EAF2: variants seen among roughly 807,000 people sequenced by gnomAD.
The protein encoded by EAF2 is ELL associated factor 2.
EAF2 carries 29 observed loss-of-function variants against 29.4 expected under a neutral mutation model. The observed-to-expected ratio is 0.99, with a 90% confidence interval of 0.73 to 1.35. EAF2 has a LOEUF of 1.35. Among genes scored for constraint, EAF2 ranks in the 40% most tolerant of loss-of-function variants. The probability of loss-of-function intolerance (pLI) is 0.00; values close to 1 mark genes in which losing one functional copy is unlikely to be tolerated. For synonymous variants in EAF2, 103 were observed against 102.5 expected (o/e 1.00, Z -0.03); for missense variants, 292 against 312.0 (o/e 0.94, Z 0.48).
At chr3:121,846,719 A>AT (rs11387474) in intron 2 of EAF2, among the ~76,000 whole-genome samples, 36,882 of 148,954 alleles carry the variant, frequency 0.25, 4,768 homozygotes, top group Non-Finnish European at 0.28. Flanking sequence ...CTTTAGTTGG[A>AT]TTTTTTTTTT....
intron 4 of EAF2, among the ~76,000 whole-genome samples, chr3:121,861,795 G>A (rs898100960): frequency 5.3e-5 from 8 of 152,150 alleles, no homozygotes; most frequent in African/African-American, 1.9e-4. Flanking sequence ...GCATGTTTTT[G>A]TAGTGGCTGG....
At chr3:121,882,121 G>T (rs1709199364) in intron 5 of EAF2, among the ~76,000 whole-genome samples, 1 of 152,090 alleles carries the variant, frequency 6.6e-6, no homozygotes, top group East Asian at 1.9e-4. Context: ...GGACGAGGCA[G>T]GTGGGTCACT....
At chr3:121,852,923 C>G (rs1247429506) in intron 2 of EAF2, among the ~76,000 whole-genome samples, 1 of 152,092 alleles carries the variant, frequency 6.6e-6, no homozygotes, top group Non-Finnish European at 1.5e-5. Context: ...AAAATTCCTT[C>G]AGGTTTGATG....
intron 4 of EAF2, 99 bp downstream of exon 4, chr3:121,857,255 A>C: frequency 2.0e-6 from 2 of 998,884 alleles, no homozygotes; most frequent in Non-Finnish European, 2.9e-6. Context: ...GCACTTTAGG[A>C]GGCCGAGGCA....
At chr3:121,861,707 G>A (rs1293825272) in intron 4 of EAF2, among the ~76,000 whole-genome samples, 4 of 152,148 alleles carry the variant, frequency 2.6e-5, no homozygotes, top group Non-Finnish European at 5.9e-5. Flanking sequence ...ATTTGATCCT[G>A]TCATTATGAT....
intron 4 of EAF2, among the ~76,000 whole-genome samples, chr3:121,863,145 G>A (rs1279810018): frequency 6.6e-6 from 1 of 152,168 alleles, no homozygotes; most frequent in Non-Finnish European, 1.5e-5. Context: ...CGGGGGTCAG[G>A]GACCCACTTG....
intron 2 of EAF2, among the ~76,000 whole-genome samples, chr3:121,852,943 C>T (rs1175675492): frequency 6.6e-6 from 1 of 152,074 alleles, no homozygotes; most frequent in African/African-American, 2.4e-5. Flanking sequence ...GGAGCAGGGA[C>T]AAAAGATAGG....
intron 4 of EAF2, among the ~76,000 whole-genome samples, chr3:121,871,874 A>T (rs561520889): frequency 6.6e-6 from 1 of 152,054 alleles, no homozygotes; most frequent in South Asian, 2.1e-4. Flanking sequence ...TCATTCCCTC[A>T]TTTATAAAAT....
Position 121,858,643 on chromosome 3 carries a change from T to G in EAF2, c.484+1487T>G, listed in dbSNP as rs541385123. ...TTGCCTGTTCACTCTGATGGTAGTTTCTTTTGCTGTGCAGAAGCTCTTTAG... is the reference window on the plus strand; with the variant it reads ...TTGCCTGTTCACTCTGATGGTAGTTGCTTTTGCTGTGCAGAAGCTCTTTAG... On this transcript the variant is annotated intron_variant, in intron 4 of 5. Coordinates refer to ENST00000273668, the MANE Select transcript of EAF2 (RefSeq NM_018456.6). Among the ~76,000 whole-genome samples the G allele has an allele frequency of 8.7e-4, 133 of 152,354 alleles. 1 individual carries two copies. The highest frequency in any genetic ancestry group is 3.4e-3 in the Middle Eastern group (1 of 294).
intron 1 of EAF2, among the ~76,000 whole-genome samples, chr3:121,842,596 A>G (rs1321209043): frequency 6.6e-6 from 1 of 152,186 alleles, no homozygotes; most frequent in African/African-American, 2.4e-5. Context: ...CAAAGTAAAA[A>G]TCATCAGGAA....
intron 1 of EAF2, 33 bp downstream of exon 1, chr3:121,835,424 G>C (rs1189519542): frequency 1.9e-6 from 3 of 1,593,350 alleles, no homozygotes; most frequent in Non-Finnish European, 2.6e-6. Context: ...TAGAGGGGGA[G>C]CCTCCCGGGA....
chr3:121,876,749 A>G (rs1291243317), intron 5 of EAF2, among the ~76,000 whole-genome samples: 2 of 151,978 alleles, frequency 1.3e-5, no homozygotes, highest in African/African-American at 4.8e-5. Flanking sequence ...AATACAATCT[A>G]TAGTTTCCAC....
At chr3:121,883,953 G>C (rs1218973239) in intron 5 of EAF2, among the ~76,000 whole-genome samples, 1 of 152,176 alleles carries the variant, frequency 6.6e-6, no homozygotes, top group Admixed American at 6.5e-5. Flanking sequence ...GTACGTTTGG[G>C]TTTGTGTCGC....
At chr3:121,840,515 A>AAAAAAAAAAAAAAAAAAAAAAC (rs1167466790) in intron 1 of EAF2, among the ~76,000 whole-genome samples, 3 of 97,892 alleles carry the variant, frequency 3.1e-5, no homozygotes, top group African/African-American at 8.0e-5. Context: ...AAAAGAAAAA[A>AAAAAAAAAAAAAAAAAAAAAAC]AAAAAACGGG....
chr3:121,873,380 A>G (rs762580237), intron 5 of EAF2, among the ~76,000 whole-genome samples: 3 of 151,858 alleles, frequency 2.0e-5, no homozygotes, highest in Non-Finnish European at 4.4e-5. Flanking sequence ...TTTACAGTGT[A>G]GCCACTCCTT....
chr3:121,842,384 A>G (rs1559816884), intron 1 of EAF2, among the ~76,000 whole-genome samples: 1 of 152,154 alleles, frequency 6.6e-6, no homozygotes, highest in Non-Finnish European at 1.5e-5. Context: ...CCCAAACTAA[A>G]GTTTTTTTCT....
chr3:121,843,699 T>G (rs1039397432), intron 1 of EAF2, among the ~76,000 whole-genome samples: 17 of 152,150 alleles, frequency 1.1e-4, no homozygotes, highest in Admixed American at 1.1e-3. Context: ...ATGTGAAATA[T>G]CTTAGTACCC....
intron 1 of EAF2, among the ~76,000 whole-genome samples, chr3:121,842,568 A>G (rs1262374676): frequency 1.3e-5 from 2 of 152,144 alleles, no homozygotes; most frequent in Non-Finnish European, 2.9e-5. Context: ...ACTACTTTTC[A>G]GGATTGGTGT....
chr3:121,879,622 T>TTTA (rs1452012291), intron 5 of EAF2, among the ~76,000 whole-genome samples: 2 of 150,370 alleles, frequency 1.3e-5, no homozygotes, highest in Non-Finnish European at 3.0e-5. Flanking sequence ...CTTTCTTTCT[T>TTTA]TTTTTTTTTA....
Sources: gnomAD v4.1 joint callset for allele counts (sites outside exome capture counted in the v4.1 genomes callset) on GRCh38, gnomAD v4.1.1 for gene constraint, MANE v1.5 for transcripts, NCBI Gene and HGNC (gene_info 2026-07-23, HGNC 2026-07-21) for gene names.